MYOCD: variants seen among roughly 807,000 people sequenced by gnomAD.
The protein encoded by MYOCD is myocardin.
MYOCD carries 32 observed loss-of-function variants against 96.1 expected under a neutral mutation model. That is an observed-to-expected ratio of 0.33 (90% confidence interval 0.25 to 0.45). MYOCD has a LOEUF of 0.45. MYOCD is among the 20% of genes least tolerant of loss of function. The probability of loss-of-function intolerance (pLI) is 1.00; values close to 1 mark genes in which losing one functional copy is unlikely to be tolerated. For synonymous variants in MYOCD, 469 were observed against 469.0 expected, an observed-to-expected ratio of 1.00 and a Z score of 0.00; for missense variants, 1,133 against 1,200.6, an observed-to-expected ratio of 0.94 and a Z score of 0.83.
rs771637715 is a variant in MYOCD at position 12,745,979 on chromosome 17, C to G, written c.1032C>G (p.Thr344=). 6 of 1,614,184 alleles carry G rather than the reference C, an allele frequency of 3.7e-6. No homozygotes were observed. The South Asian group carries it at 6.6e-5, about 18-fold the overall frequency. ...PNSSSTPLSN[T]PLSPVKNSFS... is the part of the protein sequence containing the mutation. Reference sequence around the variant, plus strand: ...CTTCTTCAACGCCACTGAGCAATACCCCCTTGTCTCCTGTCAAAAACAGTT... The same window carrying G: ...CTTCTTCAACGCCACTGAGCAATACGCCCTTGTCTCCTGTCAAAAACAGTT... The change falls in exon 9 of 14, where the codon ACC becomes ACG. Residue 344 remains threonine, a synonymous_variant. Coordinates refer to ENST00000425538, the MANE Select transcript of MYOCD (RefSeq NM_001146312.3).
chr17:12,747,650 C>T (rs947608662), intron 9 of MYOCD, among the ~76,000 whole-genome samples: 1 of 151,892 alleles, frequency 6.6e-6, no homozygotes, highest in African/African-American at 2.4e-5. Flanking sequence ...GCATATGATG[C>T]AACCACAATT....
Position 12,729,581 on chromosome 17 carries a change from CTT to C in MYOCD, c.416-6569_416-6568del, listed in dbSNP as rs955261615. 3.4e-3 allele frequency among the ~76,000 whole-genome samples: 502 copies of C among 145,844 alleles called. 1 individual carries two copies. The highest frequency in any genetic ancestry group is 0.012 in the African/African-American group (478 of 40,030). ...GAGAAAAGGGAGACAGGATAAAGCACTTTTTTTTTTTTGAGATGGAGTTTTTG... is the reference window on the plus strand; with the variant it reads ...GAGAAAAGGGAGACAGGATAAAGCACTTTTTTTTTTGAGATGGAGTTTTTG... On this transcript the variant is annotated intron_variant, in intron 5 of 13. Transcript: ENST00000425538.
At chr17:12,754,044 T>C (rs1209325416) in intron 10 of MYOCD, among the ~76,000 whole-genome samples, 1 of 147,250 alleles carries the variant, frequency 6.8e-6, no homozygotes, top group Non-Finnish European at 1.5e-5. Context: ...ACACATCTTA[T>C]GGAGAAAAAG....
intron 3 of MYOCD, among the ~76,000 whole-genome samples, chr17:12,716,359 C>T (rs1426201152): frequency 9.2e-6 from 1 of 108,814 alleles, no homozygotes; most frequent in East Asian, 2.7e-4. Flanking sequence ...TCCCAGACCC[C>T]TCTCAGGGGG....
chr17:12,751,502 T>TCC (rs2032851137), intron 9 of MYOCD, among the ~76,000 whole-genome samples: 1 of 152,180 alleles, frequency 6.6e-6, no homozygotes, highest in African/African-American at 2.4e-5. Flanking sequence ...GTTTCCAGTT[T>TCC]ATGAACATTA....
At chr17:12,681,711 C>T (rs1444336409) in intron 1 of MYOCD, among the ~76,000 whole-genome samples, 3 of 152,166 alleles carry the variant, frequency 2.0e-5, no homozygotes, top group East Asian at 1.9e-4. Context: ...TCTCAGCCCC[C>T]GCTGCTTGAG....
At chr17:12,709,696 A>T (rs2031420109) in intron 2 of MYOCD, among the ~76,000 whole-genome samples, 1 of 152,222 alleles carries the variant, frequency 6.6e-6, no homozygotes, top group Non-Finnish European at 1.5e-5. Context: ...ACCAGGATTC[A>T]TAGGAAATGG....
At chr17:12,755,407 G>C (rs985474647) in intron 10 of MYOCD, among the ~76,000 whole-genome samples, 9 of 152,186 alleles carry the variant, frequency 5.9e-5, no homozygotes, top group Admixed American at 3.3e-4. Flanking sequence ...TCAAGAGTTC[G>C]AGACCAGCCT....
At chr17:12,690,563 T>C (rs1168322713) in intron 1 of MYOCD, among the ~76,000 whole-genome samples, 1 of 152,084 alleles carries the variant, frequency 6.6e-6, no homozygotes, top group Non-Finnish European at 1.5e-5. Context: ...TTGAAAAAAA[T>C]GGAAAAGCAA....
chr17:12,672,890 G>T (rs1046541823), intron 1 of MYOCD, among the ~76,000 whole-genome samples: 2 of 152,116 alleles, frequency 1.3e-5, no homozygotes, highest in African/African-American at 4.8e-5. Context: ...GTCTTTATCA[G>T]CAATCCCTTC....
At chr17:12,709,096 G>A (rs2031396925) in intron 2 of MYOCD, among the ~76,000 whole-genome samples, 1 of 152,168 alleles carries the variant, frequency 6.6e-6, no homozygotes, top group Non-Finnish European at 1.5e-5. Flanking sequence ...CTGTATGGCA[G>A]GTCTCCCTTC....
At chr17:12,727,559 C>T (rs931552603) in intron 5 of MYOCD, among the ~76,000 whole-genome samples, 1 of 152,146 alleles carries the variant, frequency 6.6e-6, no homozygotes, top group Non-Finnish European at 1.5e-5. Context: ...CCCCTGTCCA[C>T]GTGCCTTTCC....
intron 5 of MYOCD, among the ~76,000 whole-genome samples, chr17:12,725,574 A>C (rs1157290587): frequency 6.7e-6 from 1 of 148,916 alleles, no homozygotes; most frequent in African/African-American, 2.4e-5. Flanking sequence ...ATAATATGTT[A>C]ATATATAATT....
chr17:12,763,702 C>T lies in MYOCD; in HGVS notation c.*58C>T. Reference sequence around the variant, plus strand: ...ATGGAGTTCCATGGGGGAAAGCACACAGCCATACATACTTTACTGTCCAAA... The same window carrying T: ...ATGGAGTTCCATGGGGGAAAGCACATAGCCATACATACTTTACTGTCCAAA... On this transcript the variant is annotated 3_prime_UTR_variant, in exon 14 of 14. Transcript: ENST00000425538. The T allele has an allele frequency of 7.0e-7, 1 of 1,425,190 alleles. No individual in the cohort carries two copies. Among genetic ancestry groups the T allele is most frequent in the South Asian group, 1.3e-5 (1 of 76,720 alleles). The allele number at this position is 1,425,190 out of a possible 1,614,324, so 88.3% of individuals were successfully genotyped here.
At chr17:12,692,774 C>G (rs1256030325) in intron 1 of MYOCD, among the ~76,000 whole-genome samples, 1 of 152,216 alleles carries the variant, frequency 6.6e-6, no homozygotes, top group African/African-American at 2.4e-5. Context: ...CCTCTGCTTT[C>G]TCTCCCAGGC....
At position 12,767,581 on chromosome 17, in the gene MYOCD, C is replaced by T. The variant is rs972350903; in HGVS notation, c.*3937C>T. The T allele has an allele frequency of 6.6e-6, 1 of 151,880 alleles. No individual in the cohort carries two copies. The highest frequency in any genetic ancestry group is 1.5e-5 in the Non-Finnish European group (1 of 68,014). The allele number at this position is 151,880 out of a possible 1,614,324, so 9.4% of individuals were successfully genotyped here. ...CAAGAACACTAAGAATCTCCCAGTC[C>T]TCAAACTAGAAACCTTTCAGCTACG... On this transcript the variant is annotated 3_prime_UTR_variant, in exon 14 of 14. Transcript: ENST00000425538.
At chr17:12,688,902 T>C (rs1342722898) in intron 1 of MYOCD, among the ~76,000 whole-genome samples, 1 of 152,298 alleles carries the variant, frequency 6.6e-6, no homozygotes, top group East Asian at 1.9e-4. Flanking sequence ...CAAGACCTAG[T>C]GTACCCCCGG....
At chr17:12,758,793 A>G (rs969990713) in intron 12 of MYOCD, among the ~76,000 whole-genome samples, 22 of 152,344 alleles carry the variant, frequency 1.4e-4, no homozygotes, top group African/African-American at 4.8e-4. Context: ...TCACACCTGT[A>G]ATCCCAGCAC....
intron 1 of MYOCD, among the ~76,000 whole-genome samples, chr17:12,675,881 T>C (rs1396183750): frequency 3.9e-5 from 6 of 152,058 alleles, no homozygotes; most frequent in African/African-American, 1.4e-4. Flanking sequence ...AATCAATCAA[T>C]CATATTTATA....
Sources: gnomAD v4.1 joint callset for allele counts (sites outside exome capture counted in the v4.1 genomes callset) on GRCh38, gnomAD v4.1.1 for gene constraint, MANE v1.5 for transcripts, NCBI Gene and HGNC (gene_info 2026-07-23, HGNC 2026-07-21) for gene names.